ATF7IP: variants seen among roughly 807,000 people sequenced by gnomAD.
ATF7IP encodes the protein activating transcription factor 7-interacting protein 1.
Under a neutral mutation model 106.4 loss-of-function variants are expected in ATF7IP, and 23 were observed. The observed-to-expected ratio is 0.22, with a 90% CI of 0.16 to 0.31. ATF7IP has a LOEUF of 0.31. ATF7IP is among the 10% of genes least tolerant of loss of function. ATF7IP has a pLI of 1.00. For synonymous variants in ATF7IP, 542 were observed against 539.0 expected, an observed-to-expected ratio of 1.01 and a Z score of -0.08; for missense variants, 1,334 against 1,524.3, an observed-to-expected ratio of 0.88 and a Z score of 2.08.
chr12:14,452,610 A>G (rs1943248676), intron 6 of ATF7IP, among the ~76,000 whole-genome samples: 1 of 152,136 alleles, frequency 6.6e-6, no homozygotes, highest in South Asian at 2.1e-4. Context: ...TAAGAGCGCT[A>G]GTCTATATCT....
At chr12:14,411,344 T>A (rs1254865617) in intron 1 of ATF7IP, among the ~76,000 whole-genome samples, 1 of 152,142 alleles carries the variant, frequency 6.6e-6, no homozygotes, top group African/African-American at 2.4e-5. Context: ...TCATTGTGGT[T>A]TTGACTTGCA....
At chr12:14,460,381 C>T (rs1179152459) in intron 8 of ATF7IP, 114 bp from the exon 9 acceptor site, 3 of 1,061,072 alleles carry the variant, frequency 2.8e-6, no homozygotes, top group African/African-American at 3.2e-5. Context: ...TGATAAAAGA[C>T]TTTACAGTCT....
chr12:14,492,346 C>T (rs572712278), intron 13 of ATF7IP, among the ~76,000 whole-genome samples: 3 of 152,134 alleles, frequency 2.0e-5, no homozygotes, highest in South Asian at 2.1e-4. Context: ...TTTCCTTTTC[C>T]GCAATGCACA....
intron 1 of ATF7IP, among the ~76,000 whole-genome samples, chr12:14,387,266 A>G (rs2136424338): frequency 6.6e-6 from 1 of 152,262 alleles, no homozygotes; most frequent in Non-Finnish European, 1.5e-5. Context: ...CATTCCTTTC[A>G]GTAAGGTTAT....
intron 1 of ATF7IP, chr12:14,408,687 G>A (rs1940742447): frequency 6.6e-6 from 1 of 152,130 alleles, no homozygotes; most frequent in South Asian, 2.1e-4. Flanking sequence ...ACTCTCTTGT[G>A]TATTTGATTA....
At chr12:14,425,602 AAG>A (rs1941801428) in intron 2 of ATF7IP, 129 bp downstream of exon 2, 2 of 899,348 alleles carry the variant, frequency 2.2e-6, no homozygotes, top group African/African-American at 3.4e-5. Flanking sequence ...ACTCTATAGA[AAG>A]ATGTCTTAAC....
At chr12:14,486,829 G>A (rs571759099) in intron 13 of ATF7IP, among the ~76,000 whole-genome samples, 2 of 151,948 alleles carry the variant, frequency 1.3e-5, no homozygotes, top group South Asian at 2.1e-4. Context: ...AGTGACTAAG[G>A]TTCCCACCGT....
At chr12:14,380,700 A>C (rs1430400317) in intron 1 of ATF7IP, among the ~76,000 whole-genome samples, 1 of 152,174 alleles carries the variant, frequency 6.6e-6, no homozygotes, top group Admixed American at 6.5e-5. Context: ...GGCTCACTGC[A>C]ACCTCTGCCT....
chr12:14,378,230 T>C (rs1373803636), intron 1 of ATF7IP, among the ~76,000 whole-genome samples: 2 of 151,974 alleles, frequency 1.3e-5, no homozygotes, highest in Admixed American at 1.3e-4. Context: ...TCCGAGTGGC[T>C]GGTATTACAG....
chr12:14,423,286 A>G (rs1390588676), intron 1 of ATF7IP, among the ~76,000 whole-genome samples: 1 of 152,100 alleles, frequency 6.6e-6, no homozygotes, highest in African/African-American at 2.4e-5. Context: ...TGTATTCTAT[A>G]TAAATATATA....
In ATF7IP at chr12:14,455,628, A is replaced by G. The variant is rs558559579; in HGVS notation, c.1996-933A>G. Among the ~76,000 whole-genome samples the G allele has an allele frequency of 2.6e-5, 4 of 152,310 alleles. No homozygotes were observed. The South Asian group carries it at 8.3e-4, about 32-fold the overall frequency. Reference sequence around the variant, plus strand: ...GAGGCATGTTCTGGCTCTGTCACCCAGGCTGGAGTGCAGTGACACAATCTC... The same window carrying G: ...GAGGCATGTTCTGGCTCTGTCACCCGGGCTGGAGTGCAGTGACACAATCTC... On this transcript the variant is annotated intron_variant, in intron 6 of 14. Coordinates refer to ENST00000261168, the MANE Select transcript of ATF7IP (RefSeq NM_018179.5).
At chr12:14,408,256 T>G (rs544981543) in intron 1 of ATF7IP, among the ~76,000 whole-genome samples, 2 of 152,250 alleles carry the variant, frequency 1.3e-5, no homozygotes, top group East Asian at 3.9e-4. Flanking sequence ...TTTTAGGTGA[T>G]GAAATGCAAG....
chr12:14,385,359 G>A, intron 1 of ATF7IP: 1 of 1,533,168 alleles, frequency 6.5e-7, no homozygotes, highest in South Asian at 1.2e-5. Flanking sequence ...TAGGCAGCAA[G>A]TATGTCAGTG....
intron 13 of ATF7IP, among the ~76,000 whole-genome samples, chr12:14,494,678 A>G (rs1944954307): frequency 6.6e-6 from 1 of 151,262 alleles, no homozygotes; most frequent in Non-Finnish European, 1.5e-5. Flanking sequence ...CACGCCTGTA[A>G]TCCCAGCAGT....
intron 13 of ATF7IP, among the ~76,000 whole-genome samples, chr12:14,489,345 G>A (rs560161049): frequency 6.6e-6 from 1 of 152,302 alleles, no homozygotes; most frequent in East Asian, 1.9e-4. Context: ...AAGGTAGGAG[G>A]ATCCCAAAGT....
intron 1 of ATF7IP, among the ~76,000 whole-genome samples, chr12:14,383,236 C>T (rs184889938): frequency 6.6e-4 from 100 of 152,228 alleles, no homozygotes; most frequent in African/African-American, 2.4e-3. Context: ...TAGCCAGCAG[C>T]TTTCTCTTGG....
At chr12:14,479,515 G>A (rs557728048) in intron 12 of ATF7IP, among the ~76,000 whole-genome samples, 11 of 152,092 alleles carry the variant, frequency 7.2e-5, no homozygotes. Flanking sequence ...TTTAAGTGGG[G>A]TTTTATCCAG....
chr12:14,494,329 ATATATG>A (rs1451543080), intron 13 of ATF7IP, among the ~76,000 whole-genome samples: 54 of 93,022 alleles, frequency 5.8e-4, no homozygotes, highest in East Asian at 2.5e-3. Flanking sequence ...ATATATATAT[ATATATG>A]TGTGTGTGTA....
rs575244529 is a variant in ATF7IP, at chr12:14,392,279, G to C, written c.-8+26452G>C. ...TCATCATTTCAGGAAGAATGGAGTT[G>C]GGAGAAATCTGGTCTACTGGGTAGT... On this transcript the variant is annotated intron_variant, in intron 1 of 14. Transcript: ENST00000261168. Among the ~76,000 whole-genome samples the C allele has an allele frequency of 5.9e-5, 9 of 151,740 alleles. No individual in the cohort carries two copies. In the South Asian group the frequency reaches 1.9e-3, roughly 32 times the overall value.
Sources: allele counts gnomAD v4.1 joint callset (sites outside exome capture counted in the v4.1 genomes callset), GRCh38; gene constraint gnomAD v4.1.1; transcripts MANE v1.5; gene names NCBI Gene and HGNC (gene_info 2026-07-23, HGNC 2026-07-21).